TARS3: variants seen among roughly 807,000 people sequenced by gnomAD.
TARS3 encodes threonyl-tRNA synthetase 3.
Under a neutral mutation model 103.5 loss-of-function variants are expected in TARS3, and 94 were observed. The observed-to-expected ratio is 0.91, with a 90% CI of 0.77 to 1.08. The LOEUF (loss-of-function observed/expected upper bound fraction) is 1.08, where lower values mean the gene tolerates loss of function less well. Among genes scored for constraint, TARS3 ranks in the 50% least tolerant of loss-of-function variants. TARS3 has a pLI of 0.00. For missense variants in TARS3, 952 were observed against 995.2 expected (o/e 0.96, Z 0.58); for synonymous variants, 416 against 355.4 (o/e 1.17, Z -1.92).
chr15:101,716,223 G>A (rs369784928), intron 3 of TARS3, among the ~76,000 whole-genome samples: 2 of 152,120 alleles, frequency 1.3e-5, no homozygotes, highest in African/African-American at 4.8e-5. Context: ...CACCATATTG[G>A]CCAGGATGGT....
chr15:101,670,540 G>A (rs1897754451), intron 15 of TARS3, among the ~76,000 whole-genome samples: 1 of 152,192 alleles, frequency 6.6e-6, no homozygotes, highest in Non-Finnish European at 1.5e-5. Flanking sequence ...CAAGGATGTG[G>A]AACATCTGGA....
chr15:101,695,494 C>T (rs1425721112), intron 10 of TARS3, among the ~76,000 whole-genome samples: 1 of 152,212 alleles, frequency 6.6e-6, no homozygotes, highest in Non-Finnish European at 1.5e-5. Context: ...TATCTTTTCA[C>T]AAGCTGAATC....
In TARS3 at chr15:101,680,976, G is replaced by C. The variant is rs576875346; in HGVS notation, c.1650+3099C>G. 3.3e-5 allele frequency among the ~76,000 whole-genome samples: 5 copies of C among 152,058 alleles called. No homozygotes were observed. In the East Asian group the frequency reaches 7.7e-4, roughly 24 times the overall value. On this transcript the variant is annotated intron_variant, in intron 12 of 18. Coordinates refer to ENST00000335968, the MANE Select transcript of TARS3 (RefSeq NM_152334.3). The stretch of plus-strand genomic sequence containing the variant: ...GTGATTCATCTTAATTTTTTCATAT[G>C]GTATGAGGTATGAATCCTCATACCT...
chr15:101,702,869 G>A (rs1322472095), intron 8 of TARS3, among the ~76,000 whole-genome samples: 2 of 152,290 alleles, frequency 1.3e-5, no homozygotes, highest in East Asian at 1.9e-4. Context: ...AACCTTCCCA[G>A]CCTAAATTAT....
At position 101,671,564 on chromosome 15, in the gene TARS3, G is replaced by A; in HGVS notation, c.1889C>T (p.Ala630Val). 1 of 1,611,084 alleles carries A rather than the reference G, an allele frequency of 6.2e-7. No homozygotes were observed. The highest frequency in any genetic ancestry group is 8.5e-7 in the Non-Finnish European group (1 of 1,177,380). ...AGCACATTGATGGTATCTGCCAATA[G>A]CATCCTTGATTTTTATGTCAATCTA... is the stretch of plus-strand genomic sequence containing the variant. ...GPKIDIKIKDAIGRYHQCATI... is the reference protein window; with the variant it reads ...GPKIDIKIKDVIGRYHQCATI... Residue 630 changes from alanine (A) to valine (V), a missense_variant, in exon 15 of 19, where the codon GCT becomes GTT. Around this residue, in one of 2 missense-constraint regions of TARS3, gnomAD observed 540 missense variants for 631.0 expected, o/e 0.86. Transcript: ENST00000335968.
chr15:101,692,142 G>A (rs1029152679), intron 10 of TARS3, among the ~76,000 whole-genome samples: 11 of 152,314 alleles, frequency 7.2e-5, no homozygotes, highest in Middle Eastern at 3.4e-3. Flanking sequence ...AAGTTCCAAA[G>A]GATTCACAGG....
chr15:101,680,232 C>T (rs897689987), intron 12 of TARS3, among the ~76,000 whole-genome samples: 1 of 152,208 alleles, frequency 6.6e-6, no homozygotes, highest in Non-Finnish European at 1.5e-5. Flanking sequence ...CTCAATCAGC[C>T]TTAGCTGGCA....
intron 10 of TARS3, among the ~76,000 whole-genome samples, chr15:101,699,812 G>C (rs1203262233): frequency 6.6e-6 from 1 of 152,172 alleles, no homozygotes; most frequent in East Asian, 1.9e-4. Context: ...ACCAGTGCAG[G>C]CCACATGCCA....
intron 5 of TARS3, among the ~76,000 whole-genome samples, chr15:101,711,182 T>G (rs1899848908): frequency 6.6e-6 from 1 of 152,234 alleles, no homozygotes; most frequent in Non-Finnish European, 1.5e-5. Flanking sequence ...ATTAATACCA[T>G]GCTCTAGCAA....
At chr15:101,678,393 T>C (rs1247401844) in intron 12 of TARS3, among the ~76,000 whole-genome samples, 1 of 152,248 alleles carries the variant, frequency 6.6e-6, no homozygotes. Flanking sequence ...TGTTCTCTCT[T>C]GTTATTCATT....
Position 101,702,420 on chromosome 15 carries a change from T to A in TARS3, c.1075-35A>T, listed in dbSNP as rs138297653. ...AAAGAGGATTTTGGTAAATATATCA[T>A]ACATTCAGTTGTAAGTAAAACTGCT... On this transcript the variant is annotated intron_variant, in intron 8 of 18. Transcript: ENST00000335968. 8.6e-3 allele frequency: 13,484 copies of A among 1,568,302 alleles called. 131 individuals are homozygous for A. Among genetic ancestry groups the A allele is most frequent in the African/African-American group, 0.044 (3,242 of 74,028 alleles).
chr15:101,723,958 C>G, intron 1 of TARS3, 133 bp downstream of exon 1: 1 of 863,670 alleles, frequency 1.2e-6, no homozygotes, highest in African/African-American at 1.8e-5. Context: ...CAGGGCGGGC[C>G]AGCCGCAGGG....
In TARS3 at chr15:101,654,727, A is replaced by G. The variant is rs370167089; in HGVS notation, c.2264T>C (p.Val755Ala). 24 of 1,612,934 alleles carry G rather than the reference A, an allele frequency of 1.5e-5. No homozygotes were observed. The African/African-American group carries it at 2.8e-4, about 19-fold the overall frequency. Residue 755 changes from valine to alanine, a missense_variant, in exon 19 of 19, where the codon GTT (valine) becomes GCT (alanine). Around this residue, in one of 2 missense-constraint regions of TARS3, gnomAD observed 540 missense variants for 631.0 expected, o/e 0.86. Coordinates refer to ENST00000335968, the MANE Select transcript of TARS3 (RefSeq NM_152334.3). ...ATTATCTATCTTTTCCTTTTCTCCA[A>G]CCACTGCAGAAAAGAAAGGTAAAGA... Reference protein sequence around the residue: ...QLAQYNFILVVGEKEKIDNAV... With the variant: ...QLAQYNFILVAGEKEKIDNAV...
At position 101,654,455 on chromosome 15, in the gene TARS3, T is replaced by C; in HGVS notation, c.*127A>G. 1.0e-6 allele frequency: 1 copy of C among 971,752 alleles called. No individual in the cohort carries two copies. The allele number at this position is 971,752 out of a possible 1,614,324, so 60.2% of individuals were successfully genotyped here. A position where few individuals can be genotyped will look rare whatever the true frequency, so the allele number is the denominator to read the frequency against. On this transcript the variant is annotated 3_prime_UTR_variant, in exon 19 of 19. Coordinates refer to ENST00000335968, the MANE Select transcript of TARS3 (RefSeq NM_152334.3). ...GTCAGCTACACGTTCATCGTCTCCT[T>C]TCTCAGCTGAGGCCATGAGTGGACC...
chr15:101,721,523 C>A (rs978356401), intron 2 of TARS3, among the ~76,000 whole-genome samples: 1 of 152,130 alleles, frequency 6.6e-6, no homozygotes, highest in Non-Finnish European at 1.5e-5. Flanking sequence ...GAGATGGAGT[C>A]TTGCTTTGTC....
intron 15 of TARS3, among the ~76,000 whole-genome samples, chr15:101,663,533 G>A (rs189268653): frequency 6.6e-6 from 1 of 152,222 alleles, no homozygotes; most frequent in East Asian, 1.9e-4. Context: ...ACATTTATGG[G>A]GATGCATGAC....
In TARS3 at chr15:101,714,866, T is replaced by C. The variant is rs1900057730; in HGVS notation, c.664A>G (p.Thr222Ala). ...LEGDSSLELL[T>A]FDNEEAQAVY... is the part of the protein sequence containing the mutation. Reference sequence around the variant, plus strand: ...GCTTGAGCTTCCTCATTATCAAATGTAAGCAGCTCTAGAGAAGAGTCCCCT... The same window carrying C: ...GCTTGAGCTTCCTCATTATCAAATGCAAGCAGCTCTAGAGAAGAGTCCCCT... The change falls in exon 4 of 19, where the codon ACA (threonine) becomes GCA (alanine). Residue 222 changes from threonine to alanine, a missense_variant. Physicochemically the swap from Thr to Ala is moderately conservative, Grantham distance 58. Around this residue, in one of 2 missense-constraint regions of TARS3, gnomAD observed 412 missense variants for 364.2 expected, o/e 1.13. Transcript: ENST00000335968. 1.2e-6 allele frequency: 2 copies of C among 1,610,696 alleles called. No homozygotes were observed. Among genetic ancestry groups the C allele is most frequent in the African/African-American group, 1.3e-5 (1 of 74,848 alleles).
intron 10 of TARS3, among the ~76,000 whole-genome samples, chr15:101,690,157 G>A (rs58215407): frequency 0.14 from 20,977 of 152,074 alleles, 1,921 homozygotes; most frequent in African/African-American, 0.26. Context: ...AGGCACAGGG[G>A]GTGAGCCAGG....
intron 15 of TARS3, among the ~76,000 whole-genome samples, chr15:101,665,094 C>T (rs934526041): frequency 5.3e-5 from 8 of 152,214 alleles, no homozygotes; most frequent in African/African-American, 1.9e-4. Flanking sequence ...CATAAACAGC[C>T]TCAGAAAACT....
Sources: gnomAD v4.1 joint callset for allele counts (sites outside exome capture counted in the v4.1 genomes callset) on GRCh38, gnomAD v4.1.1 for gene constraint, gnomAD v4.1.1 regional missense constraint, MANE v1.5 for transcripts, NCBI Gene and HGNC (gene_info 2026-07-23, HGNC 2026-07-21) for gene names.